FUT9: variants seen among roughly 807,000 people sequenced by gnomAD.
The protein encoded by FUT9 is 4-galactosyl-N-acetylglucosaminide 3-alpha-L-fucosyltransferase 9.
In FUT9, 15 loss-of-function variants were observed where a neutral mutation model predicts 29.7. That is an observed-to-expected ratio of 0.51 (90% confidence interval 0.34 to 0.78). The LOEUF (loss-of-function observed/expected upper bound fraction) is 0.78, where lower values mean the gene tolerates loss of function less well. Ranked by LOEUF, FUT9 falls within the 30% of genes least tolerant of loss-of-function variation. The probability of loss-of-function intolerance (pLI) is 0.01; values close to 1 mark genes in which losing one functional copy is unlikely to be tolerated. For missense variants in FUT9, 319 were observed against 425.4 expected, an observed-to-expected ratio of 0.75 and a Z score of 2.20; for synonymous variants, 169 against 153.7, an observed-to-expected ratio of 1.10 and a Z score of -0.74.
At chr6:96,177,927 A>G (rs879488440) in intron 2 of FUT9, among the ~76,000 whole-genome samples, 2 of 152,198 alleles carry the variant, frequency 1.3e-5, no homozygotes, top group African/African-American at 2.4e-5. Context: ...TAATATTTAT[A>G]CAGACATCTT....
At chr6:96,071,982 G>A (rs1268164753) in intron 1 of FUT9, among the ~76,000 whole-genome samples, 1 of 152,044 alleles carries the variant, frequency 6.6e-6, no homozygotes. Context: ...TAGATGTGGT[G>A]CAAAATGCTC....
intron 1 of FUT9, among the ~76,000 whole-genome samples, chr6:96,054,363 C>A (rs1479418633): frequency 6.6e-6 from 1 of 152,186 alleles, no homozygotes; most frequent in African/African-American, 2.4e-5. Flanking sequence ...AGACCAAGTC[C>A]ACATGCTAGT....
chr6:96,212,062 C>A lies in FUT9; in HGVS notation c.*7827C>A, dbSNP rs533622700. The A allele has an allele frequency of 6.5e-5, 27 of 412,298 alleles. No homozygotes were observed. In the Middle Eastern group the frequency reaches 3.1e-3, roughly 48 times the overall value. 25.5% of individuals were successfully genotyped at this position (412,298 alleles called of 1,614,324 possible). A position where few individuals can be genotyped will look rare whatever the true frequency, so the allele number is the denominator to read the frequency against. On this transcript the variant is annotated 3_prime_UTR_variant, in exon 3 of 3. Transcript: ENST00000302103. ...TAACTTTCCACACATGGCTGCATTC[C>A]ATTTTGATTAATGAGGGTTCAGGAA...
At chr6:96,026,071 A>G (rs1770162776) in intron 1 of FUT9, among the ~76,000 whole-genome samples, 1 of 151,566 alleles carries the variant, frequency 6.6e-6, no homozygotes, top group Admixed American at 6.6e-5. Flanking sequence ...AGAAGATACT[A>G]TTTCTATCCA....
Position 96,214,005 on chromosome 6 carries a change from G to T in FUT9, c.*9770G>T, listed in dbSNP as rs575405002. On this transcript the variant is annotated 3_prime_UTR_variant, in exon 3 of 3. Transcript: ENST00000302103. ...ATGCATGATTCACGTCCTTTCAAAA[G>T]TCCCTTTTCAACATTTGGTAAAGTG... 9 of 166,998 alleles carry T rather than the reference G, an allele frequency of 5.4e-5. No individual in the cohort carries two copies. The highest frequency in any genetic ancestry group is 1.9e-4 in the African/African-American group (8 of 41,534). 10.3% of individuals were successfully genotyped at this position (166,998 alleles called of 1,614,324 possible). A position where few individuals can be genotyped will look rare whatever the true frequency, so the allele number is the denominator to read the frequency against.
chr6:96,203,939 C>G lies in FUT9; in HGVS notation c.784C>G (p.Leu262Val). 1 of 1,613,208 alleles carries G rather than the reference C, an allele frequency of 6.2e-7. No homozygotes were observed. The highest frequency in any genetic ancestry group is 8.5e-7 in the Non-Finnish European group (1 of 1,179,400). ...YITEKLYNAF[L>V]AGSVPVVLGP... ...CACGGAAAAGCTATACAATGCTTTTCTGGCTGGCTCTGTACCTGTTGTTCT... is the reference window on the plus strand; with the variant it reads ...CACGGAAAAGCTATACAATGCTTTTGTGGCTGGCTCTGTACCTGTTGTTCT... Residue 262 changes from leucine (L) to valine (V), a missense_variant, in exon 3 of 3, where the codon CTG becomes GTG. Leu to Val is a conservative substitution (Grantham distance 32). Transcript: ENST00000302103.
At chr6:96,088,519 G>A (rs556559051) in intron 1 of FUT9, among the ~76,000 whole-genome samples, 7 of 144,276 alleles carry the variant, frequency 4.9e-5, no homozygotes, top group African/African-American at 1.8e-4. Flanking sequence ...ATGATTCTCT[G>A]TTTGTTTGTT....
chr6:96,043,451 T>C (rs901163822), intron 1 of FUT9, among the ~76,000 whole-genome samples: 2 of 152,190 alleles, frequency 1.3e-5, no homozygotes, highest in African/African-American at 4.8e-5. Context: ...GTCATACTTA[T>C]TTGTTTGGTT....
At chr6:96,130,931 C>T (rs1772231706) in intron 2 of FUT9, among the ~76,000 whole-genome samples, 1 of 152,132 alleles carries the variant, frequency 6.6e-6, no homozygotes, top group Non-Finnish European at 1.5e-5. Context: ...TTAACATTTT[C>T]TCCTGATCCT....
intron 2 of FUT9, among the ~76,000 whole-genome samples, chr6:96,162,967 G>A (rs1420167804): frequency 1.3e-5 from 2 of 152,134 alleles, no homozygotes; most frequent in Non-Finnish European, 2.9e-5. Flanking sequence ...TGCAGTGGAG[G>A]CCTTTGTCAT....
intron 1 of FUT9, among the ~76,000 whole-genome samples, chr6:96,082,436 A>G (rs1771252252): frequency 6.6e-6 from 1 of 151,794 alleles, no homozygotes. Flanking sequence ...TATAACAAAT[A>G]GAGAGATTCC....
intron 1 of FUT9, among the ~76,000 whole-genome samples, chr6:96,108,303 C>G (rs895965416): frequency 6.6e-6 from 1 of 152,066 alleles, no homozygotes; most frequent in Non-Finnish European, 1.5e-5. Context: ...CACATCACAC[C>G]AAGAATGAGA....
intron 1 of FUT9, among the ~76,000 whole-genome samples, chr6:96,098,657 A>C (rs1419164761): frequency 6.6e-6 from 1 of 152,172 alleles, no homozygotes; most frequent in Admixed American, 6.6e-5. Context: ...AGTTCATTAA[A>C]AATTACTTTA....
intron 2 of FUT9, among the ~76,000 whole-genome samples, chr6:96,118,309 G>C (rs1771952569): frequency 6.6e-6 from 1 of 151,114 alleles, no homozygotes; most frequent in African/African-American, 2.4e-5. Context: ...GAAATCCTAT[G>C]CAAGAACCAA....
chr6:96,075,883 T>C (rs1771135701), intron 1 of FUT9, among the ~76,000 whole-genome samples: 1 of 152,200 alleles, frequency 6.6e-6, no homozygotes, highest in African/African-American at 2.4e-5. Flanking sequence ...CTCGTACATG[T>C]TTTGCAGTAG....
rs985652628 is a variant in FUT9, at chr6:96,101,609, G to A, written c.-97-12430G>A. 1.1e-4 allele frequency among the ~76,000 whole-genome samples: 17 copies of A among 152,002 alleles called. No individual in the cohort carries two copies. The East Asian group carries it at 2.5e-3, about 23-fold the overall frequency. On this transcript the variant is annotated intron_variant, in intron 1 of 2. Coordinates refer to ENST00000302103, the MANE Select transcript of FUT9 (RefSeq NM_006581.4). ...TCATGTTCAATTATTTCATTAAGGA[G>A]GTCACAAGTTTCCTCCTTGAGGAGG...
intron 2 of FUT9, among the ~76,000 whole-genome samples, chr6:96,199,244 T>C (rs1773685301): frequency 6.6e-6 from 1 of 152,188 alleles, no homozygotes; most frequent in South Asian, 2.1e-4. Context: ...TAAGACATGT[T>C]AAGTATCCAA....
At chr6:96,178,972 A>G (rs1773255184) in intron 2 of FUT9, among the ~76,000 whole-genome samples, 1 of 152,188 alleles carries the variant, frequency 6.6e-6, no homozygotes, top group African/African-American at 2.4e-5. Flanking sequence ...CAACTACAAA[A>G]AAAAACACCT....
At chr6:96,148,350 G>A (rs1002449041) in intron 2 of FUT9, among the ~76,000 whole-genome samples, 7 of 152,144 alleles carry the variant, frequency 4.6e-5, no homozygotes, top group African/African-American at 9.7e-5. Context: ...ACAGCTCCAC[G>A]TAGCTCTGGG....
Sources: allele counts gnomAD v4.1 joint callset (sites outside exome capture counted in the v4.1 genomes callset), GRCh38; gene constraint gnomAD v4.1.1; transcripts MANE v1.5; gene names NCBI Gene and HGNC (gene_info 2026-07-23, HGNC 2026-07-21).